MYLK: variants seen among roughly 807,000 people sequenced by gnomAD.
The protein encoded by MYLK is myosin light chain kinase, smooth muscle.
A neutral mutation model predicts 203.4 loss-of-function variants in MYLK; 106 were observed. That is an observed-to-expected ratio of 0.52 (90% CI 0.45 to 0.61). MYLK has a LOEUF of 0.61. Among genes scored for constraint, MYLK ranks in the 20% least tolerant of loss-of-function variants. The probability of loss-of-function intolerance (pLI) is 0.00; values close to 1 mark genes in which losing one functional copy is unlikely to be tolerated. For missense variants in MYLK, 2,072 were observed against 2,442.3 expected, an observed-to-expected ratio of 0.85 and a Z score of 3.20; for synonymous variants, 867 against 959.5, an observed-to-expected ratio of 0.90 and a Z score of 1.78.
chr3:123,705,818 C>T (rs141330932), intron 16 of MYLK, among the ~76,000 whole-genome samples: 6 of 152,232 alleles, frequency 3.9e-5, no homozygotes, highest in African/African-American at 1.4e-4. Flanking sequence ...CCATCAAAAT[C>T]CCCAAACAAG....
chr3:123,709,436 G>A lies in MYLK; in HGVS notation c.1942+320C>T, dbSNP rs549266180. 462 of 360,648 alleles carry A rather than the reference G, an allele frequency of 1.3e-3. 3 individuals carry two copies. In the Admixed American group the frequency reaches 0.016, roughly 13 times the overall value. 22.3% of individuals were successfully genotyped at this position (360,648 alleles called of 1,614,324 possible). Reference sequence around the variant, plus strand: ...ATTACAGGCGTGAGCCACCGTGCCCGGCCCATAATCTGGTTTTGTACCAGT... The same window carrying A: ...ATTACAGGCGTGAGCCACCGTGCCCAGCCCATAATCTGGTTTTGTACCAGT... On this transcript the variant is annotated intron_variant, in intron 14 of 33. Coordinates refer to ENST00000360304, the MANE Select transcript of MYLK (RefSeq NM_053025.4).
chr3:123,687,511 A>C (rs953923124), intron 19 of MYLK, among the ~76,000 whole-genome samples: 5 of 152,100 alleles, frequency 3.3e-5, no homozygotes, highest in Non-Finnish European at 5.9e-5. Flanking sequence ...AATGACCTCA[A>C]TGTTGGCAAA....
chr3:123,634,810 C>T (rs756403624), intron 29 of MYLK, among the ~76,000 whole-genome samples: 8 of 152,268 alleles, frequency 5.3e-5, no homozygotes, highest in Non-Finnish European at 7.4e-5. Flanking sequence ...GGCTCTTAAA[C>T]GGAGGTGGAC....
chr3:123,865,104 T>C (rs1022855724), intron 2 of MYLK, among the ~76,000 whole-genome samples: 1 of 152,178 alleles, frequency 6.6e-6, no homozygotes, highest in Non-Finnish European at 1.5e-5. Flanking sequence ...TGAATGTCAC[T>C]GGCAAGTCAA....
chr3:123,844,217 G>A (rs1317910385), intron 2 of MYLK, among the ~76,000 whole-genome samples: 2 of 152,150 alleles, frequency 1.3e-5, no homozygotes, highest in African/African-American at 4.8e-5. Flanking sequence ...GTGGACATGG[G>A]CCCCCAAGCT....
chr3:123,758,983 C>T (rs1429742134), intron 4 of MYLK, among the ~76,000 whole-genome samples: 1 of 152,094 alleles, frequency 6.6e-6, no homozygotes, highest in African/African-American at 2.4e-5. Flanking sequence ...TGCCACTATG[C>T]CCAGCTAATT....
intron 19 of MYLK, among the ~76,000 whole-genome samples, chr3:123,683,644 G>A (rs1005907469): frequency 6.6e-6 from 1 of 152,116 alleles, no homozygotes; most frequent in African/African-American, 2.4e-5. Context: ...TCTCTGCTAT[G>A]GGTAATCCAG....
intron 30 of MYLK, among the ~76,000 whole-genome samples, chr3:123,627,790 G>T (rs2058221163): frequency 6.6e-6 from 1 of 152,068 alleles, no homozygotes; most frequent in Non-Finnish European, 1.5e-5. Context: ...TGGTTGAAGA[G>T]AGGCTGGGTA....
chr3:123,772,348 T>A (rs2063911060), intron 4 of MYLK, among the ~76,000 whole-genome samples: 1 of 152,020 alleles, frequency 6.6e-6, no homozygotes, highest in Admixed American at 6.6e-5. Context: ...ACAGTAAAGG[T>A]GGCCTCAAAC....
At position 123,754,109 on chromosome 3, in the gene MYLK, G is replaced by A. The variant is rs575754196; in HGVS notation, c.166-1571C>T. 4.8e-4 allele frequency among the ~76,000 whole-genome samples: 73 copies of A among 152,322 alleles called. 1 individual carries two copies. The South Asian group carries it at 0.012, about 25-fold the overall frequency. On this transcript the variant is annotated intron_variant, in intron 4 of 33. Transcript: ENST00000360304. ...AGAGCTATGCTAAAAAGCGCCGGTC[G>A]TTGTCTTTGGACTGTGCTCAGTTTT...
At chr3:123,829,071 G>C (rs568132035) in intron 3 of MYLK, among the ~76,000 whole-genome samples, 4 of 152,144 alleles carry the variant, frequency 2.6e-5, no homozygotes, top group Non-Finnish European at 5.9e-5. Context: ...ACAGCCATAT[G>C]ATCCAGCAAT....
intron 4 of MYLK, among the ~76,000 whole-genome samples, chr3:123,762,316 C>A (rs1475982776): frequency 1.3e-5 from 2 of 151,936 alleles, no homozygotes; most frequent in African/African-American, 4.8e-5. Context: ...GCAACCTCTA[C>A]CTCCCATGCT....
chr3:123,768,635 G>C (rs1183750059), intron 4 of MYLK, among the ~76,000 whole-genome samples: 2 of 152,324 alleles, frequency 1.3e-5, no homozygotes, highest in African/African-American at 2.4e-5. Context: ...TGTTTGTAAG[G>C]CTGAAAAATA....
chr3:123,768,945 G>A (rs2063789293), intron 4 of MYLK, among the ~76,000 whole-genome samples: 1 of 152,202 alleles, frequency 6.6e-6, no homozygotes, highest in Non-Finnish European at 1.5e-5. Flanking sequence ...TGCCTCTAGA[G>A]AGCCTCCCGT....
At chr3:123,701,570 T>C in intron 16 of MYLK, 61 bp from the exon 17 acceptor site, 1 of 1,547,780 alleles carries the variant, frequency 6.5e-7, no homozygotes, top group Non-Finnish European at 8.9e-7. Context: ...GCCTGTTCAG[T>C]GTGGACTTGA....
At position 123,648,419 on chromosome 3, in the gene MYLK, A is replaced by T. The variant is rs2059096846; in HGVS notation, c.4415+552T>A. Among the ~76,000 whole-genome samples the T allele has an allele frequency of 6.6e-6, 1 of 152,198 alleles. No homozygotes were observed. Among genetic ancestry groups the T allele is most frequent in the Non-Finnish European group, 1.5e-5 (1 of 68,032 alleles). On this transcript the variant is annotated intron_variant, in intron 26 of 33. Coordinates refer to ENST00000360304, the MANE Select transcript of MYLK (RefSeq NM_053025.4). The surrounding 1 kb of genome is among the most constrained non-coding windows in gnomAD (Gnocchi z 4.5). ...ACACTGACTTCTGTGGATCAAATGG[A>T]AGGGGTGCCAAAGATAATCTGATCC... is the stretch of plus-strand genomic sequence containing the variant.
chr3:123,781,812 C>T (rs2064310782), intron 4 of MYLK, among the ~76,000 whole-genome samples: 1 of 152,032 alleles, frequency 6.6e-6, no homozygotes, highest in South Asian at 2.1e-4. Flanking sequence ...TACACAGTAG[C>T]CAGCTCATGG....
At chr3:123,639,079 C>A (rs927656119) in intron 28 of MYLK, 6 of 985,194 alleles carry the variant, frequency 6.1e-6, no homozygotes, top group Non-Finnish European at 7.2e-6. Flanking sequence ...GTATCCCTCA[C>A]CAGTGGAAGC....
intron 16 of MYLK, among the ~76,000 whole-genome samples, 161 bp from the exon 17 acceptor site, chr3:123,701,670 ACT>A (rs2061235385): frequency 6.6e-6 from 1 of 152,224 alleles, no homozygotes. Context: ...GGACCCTCTC[ACT>A]GTGTGGTCAC....
Sources: gnomAD v4.1 joint callset for allele counts (sites outside exome capture counted in the v4.1 genomes callset) on GRCh38, gnomAD v4.1.1 for gene constraint, Gnocchi (gnomAD v3.1) non-coding constraint, MANE v1.5 for transcripts, NCBI Gene and HGNC (gene_info 2026-07-23, HGNC 2026-07-21) for gene names.